TDP1: variants seen among roughly 807,000 people sequenced by gnomAD.
The protein encoded by TDP1 is tyrosyl-DNA phosphodiesterase 1.
Under a neutral mutation model 81.5 loss-of-function variants are expected in TDP1, and 64 were observed. The observed-to-expected ratio is 0.79, with a 90% CI of 0.64 to 0.97. TDP1 has a LOEUF of 0.97. Ranked by LOEUF, TDP1 falls within the 50% of genes least tolerant of loss-of-function variation. The pLI is 0.00. For synonymous variants in TDP1, 256 were observed against 264.3 expected, an observed-to-expected ratio of 0.97 and a Z score of 0.30; for missense variants, 723 against 743.8, an observed-to-expected ratio of 0.97 and a Z score of 0.33.
chr14:90,022,730 G>A (rs886680646), intron 15 of TDP1: 8 of 985,008 alleles, frequency 8.1e-6, no homozygotes, highest in Non-Finnish European at 8.4e-6. Context: ...CTACTGATAT[G>A]TGAAGCTTCT....
At chr14:90,030,272 C>T (rs1887135599) in intron 15 of TDP1, among the ~76,000 whole-genome samples, 1 of 152,212 alleles carries the variant, frequency 6.6e-6, no homozygotes, top group Non-Finnish European at 1.5e-5. Flanking sequence ...CCCTCGCCCT[C>T]CCGGGATGTG....
intron 14 of TDP1, among the ~76,000 whole-genome samples, chr14:90,002,970 G>A (rs1027847049): frequency 1.8e-4 from 27 of 150,498 alleles, no homozygotes; most frequent in Admixed American, 6.6e-5. Context: ...ATGGAGTCTC[G>A]CCATTCACCC....
intron 10 of TDP1, among the ~76,000 whole-genome samples, chr14:89,988,123 T>C (rs1412897094): frequency 6.6e-6 from 1 of 152,184 alleles, no homozygotes; most frequent in Non-Finnish European, 1.5e-5. Flanking sequence ...AAGAGATGCA[T>C]AGAGCAAGGT....
chr14:90,041,790 T>A lies in TDP1; in HGVS notation c.1754-1280T>A, dbSNP rs1029802417. 2.6e-5 allele frequency among the ~76,000 whole-genome samples: 4 copies of A among 152,250 alleles called. No individual in the cohort carries two copies. In the East Asian group the frequency reaches 7.7e-4, roughly 29 times the overall value. On this transcript the variant is annotated intron_variant, in intron 16 of 16. Coordinates refer to ENST00000335725, the MANE Select transcript of TDP1 (RefSeq NM_018319.4). ...CGGTCTACCCATATTATAGTTCTTTTGAAATGGTTTGACTCTAGCAGTGGC... is the reference window on the plus strand; with the variant it reads ...CGGTCTACCCATATTATAGTTCTTTAGAAATGGTTTGACTCTAGCAGTGGC...
At chr14:89,999,006 TC>T (rs1303939142) in intron 14 of TDP1, among the ~76,000 whole-genome samples, 1 of 152,168 alleles carries the variant, frequency 6.6e-6, no homozygotes, top group African/African-American at 2.4e-5. Context: ...AAATGCTTGT[TC>T]CATGAGATTT....
intron 5 of TDP1, among the ~76,000 whole-genome samples, chr14:89,970,021 C>T (rs1301827063): frequency 2.0e-5 from 3 of 149,820 alleles, no homozygotes; most frequent in East Asian, 1.9e-4. Flanking sequence ...GGACTACAGG[C>T]GCCCGCCACT....
intron 15 of TDP1, among the ~76,000 whole-genome samples, chr14:90,028,249 C>A (rs987838282): frequency 6.6e-6 from 1 of 152,178 alleles, no homozygotes; most frequent in Non-Finnish European, 1.5e-5. Context: ...TAAGTGTGCC[C>A]CTTCTGGGAA....
chr14:89,993,784 A>G (rs1205753978), intron 14 of TDP1, among the ~76,000 whole-genome samples: 2 of 152,230 alleles, frequency 1.3e-5, no homozygotes, highest in East Asian at 3.8e-4. Flanking sequence ...GGGTAAGTAC[A>G]GAAGAATAAT....
chr14:90,019,264 C>G (rs1455469213), intron 14 of TDP1, 52 bp from the exon 15 acceptor site: 2 of 1,371,240 alleles, frequency 1.5e-6, no homozygotes, highest in African/African-American at 2.8e-5. Context: ...AAGTTTGACC[C>G]ACACTGAGAT....
At chr14:90,025,749 A>G (rs913537195) in intron 15 of TDP1, among the ~76,000 whole-genome samples, 2 of 152,218 alleles carry the variant, frequency 1.3e-5, no homozygotes, top group Non-Finnish European at 2.9e-5. Flanking sequence ...TGATTATTTC[A>G]AAGATCAGTA....
At position 89,975,585 on chromosome 14, in the gene TDP1, T is replaced by G. The variant is rs35369172; in HGVS notation, c.757-196T>G. On this transcript the variant is annotated intron_variant, in intron 6 of 16. Transcript: ENST00000335725. ...ATTCTGGGTAACAAAATTTGTGTTTTTTTTTTTTTTTTTTTTAATGAGCGT... is the reference window on the plus strand; with the variant it reads ...ATTCTGGGTAACAAAATTTGTGTTTGTTTTTTTTTTTTTTTTAATGAGCGT... 17,845 of 671,112 alleles carry G rather than the reference T, an allele frequency of 0.027. 593 individuals are homozygous for G. Among genetic ancestry groups the G allele is most frequent in the African/African-American group, 0.14 (7,135 of 49,484 alleles). 41.6% of individuals were successfully genotyped at this position (671,112 alleles called of 1,614,324 possible). A position where few individuals can be genotyped will look rare whatever the true frequency, so the allele number is the denominator to read the frequency against.
Position 89,996,950 on chromosome 14 carries a change from A to G in TDP1, c.1541+3467A>G, listed in dbSNP as rs140468233. Among the ~76,000 whole-genome samples the G allele has an allele frequency of 2.6e-5, 4 of 152,362 alleles. No individual in the cohort carries two copies. The East Asian group carries it at 7.7e-4, about 29-fold the overall frequency. The stretch of plus-strand genomic sequence containing the variant: ...TCTACCCATTACTCAGCAAATATGT[A>G]TTGCCCGCTGTGGCAAGAATAGAGT... On this transcript the variant is annotated intron_variant, in intron 14 of 16. Transcript: ENST00000335725.
chr14:90,030,552 C>T lies in TDP1; in HGVS notation c.1645-2554C>T, dbSNP rs1163536442. On this transcript the variant is annotated intron_variant, in intron 15 of 16. Transcript: ENST00000335725. ...ATCACCATCTTCATCAGTGCTGTAA[C>T]CCATACCTTTCTGTAGGTCTTGACA... Among the ~76,000 whole-genome samples the T allele has an allele frequency of 3.3e-5, 5 of 152,164 alleles. No homozygotes were observed. The South Asian group carries it at 8.3e-4, about 25-fold the overall frequency.
chr14:89,993,539 T>C, intron 14 of TDP1, 56 bp downstream of exon 14: 6 of 1,591,952 alleles, frequency 3.8e-6, no homozygotes, highest in Non-Finnish European at 1.7e-6. Context: ...TTCATAATTC[T>C]TGCTCTGAAT....
At chr14:89,965,791 C>T (rs774365872) in intron 3 of TDP1, 3 of 984,940 alleles carry the variant, frequency 3.0e-6, no homozygotes, top group Non-Finnish European at 3.6e-6. Context: ...TGGGAGATTT[C>T]CTGGAGAGGG....
chr14:89,966,402 A>G (rs776461488), intron 4 of TDP1, among the ~76,000 whole-genome samples: 8 of 152,138 alleles, frequency 5.3e-5, no homozygotes, highest in Non-Finnish European at 1.2e-4. Flanking sequence ...AGAGCATTTG[A>G]CTCAAGTCAG....
intron 16 of TDP1, among the ~76,000 whole-genome samples, chr14:90,040,797 C>T (rs1888284097): frequency 6.6e-6 from 1 of 152,216 alleles, no homozygotes; most frequent in Non-Finnish European, 1.5e-5. Context: ...CTTCTTTTCT[C>T]CTCCTATGGT....
chr14:89,981,222 C>A (rs1252591187), intron 8 of TDP1, among the ~76,000 whole-genome samples: 1 of 152,142 alleles, frequency 6.6e-6, no homozygotes, highest in Non-Finnish European at 1.5e-5. Context: ...AAGCTGGTGT[C>A]TTTTTAGAGC....
chr14:89,957,577 G>A (rs1891811881), intron 2 of TDP1, among the ~76,000 whole-genome samples: 1 of 152,188 alleles, frequency 6.6e-6, no homozygotes, highest in South Asian at 2.1e-4. Flanking sequence ...CAATGAGAAG[G>A]AGCAGCTGGA....
Sources: gnomAD v4.1 joint callset for allele counts (sites outside exome capture counted in the v4.1 genomes callset) on GRCh38, gnomAD v4.1.1 for gene constraint, MANE v1.5 for transcripts, NCBI Gene and HGNC (gene_info 2026-07-23, HGNC 2026-07-21) for gene names.